MSR1: variants seen among roughly 807,000 people sequenced by gnomAD.
The protein encoded by MSR1 is macrophage scavenger receptor 1.
A neutral mutation model predicts 47.2 loss-of-function variants in MSR1; 53 were observed. The ratio of observed to expected loss-of-function variants is 1.12; its 90% confidence interval spans 0.90 to 1.41. The LOEUF (loss-of-function observed/expected upper bound fraction) is 1.41, where lower values mean the gene tolerates loss of function less well. Among genes scored for constraint, MSR1 ranks in the 40% most tolerant of loss-of-function variants. MSR1 has a pLI of 0.00. For missense variants in MSR1, 786 were observed against 546.9 expected, an observed-to-expected ratio of 1.44 and a Z score of -4.36; for synonymous variants, 239 against 185.6, an observed-to-expected ratio of 1.29 and a Z score of -2.34.
chr8:16,110,398 A>G (rs1799731036), intron 9 of MSR1, among the ~76,000 whole-genome samples, 180 bp from the exon 10 acceptor site: 1 of 152,166 alleles, frequency 6.6e-6, no homozygotes, highest in African/African-American at 2.4e-5. Flanking sequence ...AACACTTTAT[A>G]CTCTGTTAAC....
chr8:16,147,340 C>T (rs543968181), intron 7 of MSR1, among the ~76,000 whole-genome samples: 22 of 152,112 alleles, frequency 1.4e-4, no homozygotes, highest in African/African-American at 5.3e-4. Context: ...TGTACCCTTA[C>T]GAGCAGTGTG....
chr8:16,137,863 G>A (rs1043546401), intron 8 of MSR1, among the ~76,000 whole-genome samples: 20 of 151,880 alleles, frequency 1.3e-4, no homozygotes, highest in African/African-American at 4.6e-4. Context: ...ATGGTGGTGT[G>A]TGCCTAAAGT....
chr8:16,161,471 T>C (rs1393838058), intron 5 of MSR1, among the ~76,000 whole-genome samples: 1 of 151,942 alleles, frequency 6.6e-6, no homozygotes, highest in African/African-American at 2.4e-5. Context: ...TTCTTTATCA[T>C]CTGTTTTATT....
At chr8:16,162,861 A>G (rs967579712) in intron 5 of MSR1, among the ~76,000 whole-genome samples, 1 of 151,974 alleles carries the variant, frequency 6.6e-6, no homozygotes, top group Admixed American at 6.6e-5. Flanking sequence ...TGGTCCTACC[A>G]GCCTGACTAC....
chr8:16,130,045 T>C (rs1204701200), intron 8 of MSR1, among the ~76,000 whole-genome samples: 7 of 152,152 alleles, frequency 4.6e-5, no homozygotes, highest in African/African-American at 1.7e-4. Flanking sequence ...ATTTCCACTT[T>C]TGCTGCTGTG....
chr8:16,121,100 C>A (rs12678776), intron 8 of MSR1: 15,459 of 395,874 alleles, frequency 0.039, 731 homozygotes, highest in East Asian at 0.12. Flanking sequence ...CATATCTTTT[C>A]CCAAGGGAAA....
chr8:16,151,882 T>C (rs539846083), intron 6 of MSR1, among the ~76,000 whole-genome samples: 1 of 152,262 alleles, frequency 6.6e-6, no homozygotes, highest in Non-Finnish European at 1.5e-5. Context: ...AATACCAGCT[T>C]TGCCACTTAC....
intron 3 of MSR1, among the ~76,000 whole-genome samples, chr8:16,173,726 G>C (rs1044982381): frequency 2.6e-5 from 4 of 152,068 alleles, no homozygotes; most frequent in African/African-American, 9.6e-5. Flanking sequence ...TCGGCTCACT[G>C]CAAGTTCCAC....
intron 8 of MSR1, among the ~76,000 whole-genome samples, chr8:16,128,740 C>T (rs191692347): frequency 6.6e-6 from 1 of 152,080 alleles, no homozygotes; most frequent in Non-Finnish European, 1.5e-5. Flanking sequence ...ACCATACTTG[C>T]TATGTTGTGA....
chr8:16,169,314 A>G (rs1801414857), intron 3 of MSR1, among the ~76,000 whole-genome samples: 1 of 152,232 alleles, frequency 6.6e-6, no homozygotes. Flanking sequence ...TGACAAAAGC[A>G]ATAAGTGGTG....
chr8:16,185,846 G>GAGAA (rs1801981555), intron 1 of MSR1, among the ~76,000 whole-genome samples: 1 of 125,418 alleles, frequency 8.0e-6, no homozygotes, highest in Non-Finnish European at 1.7e-5. Context: ...CTTTTTTCAG[G>GAGAA]AAAAAAAAAA....
intron 6 of MSR1, among the ~76,000 whole-genome samples, chr8:16,151,063 T>C (rs1189385261): frequency 6.6e-6 from 1 of 152,140 alleles, no homozygotes; most frequent in African/African-American, 2.4e-5. Context: ...TATTTTATCC[T>C]AGAGTTCAGT....
At chr8:16,172,611 A>C (rs1299439067) in intron 3 of MSR1, among the ~76,000 whole-genome samples, 1 of 152,082 alleles carries the variant, frequency 6.6e-6, no homozygotes, top group African/African-American at 2.4e-5. Flanking sequence ...TATTGGAATT[A>C]TCTTTTCATA....
Position 16,155,150 on chromosome 8 carries a change from A to C in MSR1, c.818-6T>G, listed in dbSNP as rs774285914. ...ACCCGGGGGTCCAGGAGGACCTTTAAAAAAATTACAGTTACTGATCATAGT... is the reference window on the plus strand; with the variant it reads ...ACCCGGGGGTCCAGGAGGACCTTTACAAAAATTACAGTTACTGATCATAGT... On this transcript the variant is annotated splice_region_variant and splice_polypyrimidine_tract_variant and intron_variant, in intron 5 of 9. Transcript: ENST00000262101. 4 of 1,606,866 alleles carry C rather than the reference A, an allele frequency of 2.5e-6. No individual in the cohort carries two copies. The East Asian group carries it at 8.9e-5, about 36-fold the overall frequency.
intron 1 of MSR1, among the ~76,000 whole-genome samples, chr8:16,182,814 T>C (rs191093643): frequency 1.3e-3 from 204 of 152,320 alleles, no homozygotes; most frequent in African/African-American, 4.8e-3. Flanking sequence ...AATCTTTTTT[T>C]ATAAATAGGA....
At chr8:16,116,922 C>T (rs1199466819) in intron 9 of MSR1, among the ~76,000 whole-genome samples, 1 of 151,948 alleles carries the variant, frequency 6.6e-6, no homozygotes, top group East Asian at 1.9e-4. Flanking sequence ...ATGTTGCCAG[C>T]ACTTACTAGC....
At chr8:16,191,722 C>T (rs768038956) in intron 1 of MSR1, among the ~76,000 whole-genome samples, 33 of 152,178 alleles carry the variant, frequency 2.2e-4, no homozygotes, top group Admixed American at 2.0e-4. Context: ...CTGCATAAAA[C>T]GGCTAATCAC....
intron 3 of MSR1, among the ~76,000 whole-genome samples, chr8:16,174,602 T>C (rs1801585973): frequency 6.6e-6 from 1 of 152,152 alleles, no homozygotes; most frequent in African/African-American, 2.4e-5. Flanking sequence ...GAAGATACTA[T>C]CAGGTTATTT....
chr8:16,140,061 G>C, intron 8 of MSR1: 1 of 908,170 alleles, frequency 1.1e-6, no homozygotes, highest in Non-Finnish European at 1.3e-6. Context: ...CCAGCTCATG[G>C]AGGTACATAA....
Sources: allele counts gnomAD v4.1 joint callset (sites outside exome capture counted in the v4.1 genomes callset), GRCh38; gene constraint gnomAD v4.1.1; transcripts MANE v1.5; gene names NCBI Gene and HGNC (gene_info 2026-07-23, HGNC 2026-07-21).